The following EIF5B variants were observed in gnomAD, a reference collection of about 807,000 sequenced individuals.
EIF5B encodes eukaryotic translation initiation factor 5B.
EIF5B carries 47 observed loss-of-function variants against 147.5 expected under a neutral mutation model. The ratio of observed to expected loss-of-function variants is 0.32; its 90% CI spans 0.25 to 0.41. The LOEUF (loss-of-function observed/expected upper bound fraction) is 0.41, where lower values mean the gene tolerates loss of function less well. EIF5B is among the 10% of genes least tolerant of loss of function. The pLI is 1.00. For synonymous variants in EIF5B, 455 were observed against 456.2 expected (o/e 1.00, Z 0.03); for missense variants, 1,064 against 1,413.2 (o/e 0.75, Z 3.96).
At position 99,361,830 on chromosome 2, in the gene EIF5B, T is replaced by C. The variant is rs756839974; in HGVS notation, c.919+10T>C. On this transcript the variant is annotated intron_variant, in intron 4 of 23. Transcript: ENST00000289371. ...CCCACAGCTGCAGAAGGTTGGTTAA[T>C]ACTTTAGAGGAAAGAGCAAAAGGCT... 9.9e-6 allele frequency: 15 copies of C among 1,521,022 alleles called. No homozygotes were observed. Among genetic ancestry groups the C allele is most frequent in the South Asian group, 9.6e-5 (7 of 73,286 alleles). The allele number at this position is 1,521,022 out of a possible 1,614,324, so 94.2% of individuals were successfully genotyped here.
At chr2:99,337,712 T>A in intron 1 of EIF5B, 123 bp downstream of exon 1, 2 of 1,289,872 alleles carry the variant, frequency 1.6e-6, no homozygotes, top group Non-Finnish European at 2.1e-6. Flanking sequence ...GTACCAGGCC[T>A]GGGCCCAGAG....
At chr2:99,383,975 C>T (rs1452136489) in intron 14 of EIF5B, among the ~76,000 whole-genome samples, 4 of 151,858 alleles carry the variant, frequency 2.6e-5, no homozygotes, top group African/African-American at 7.3e-5. Flanking sequence ...TTTGGGAGGC[C>T]GAGGCGGGCG....
At chr2:99,352,128 T>C (rs6712137) in intron 1 of EIF5B, among the ~76,000 whole-genome samples, 126,808 of 152,226 alleles carry the variant, frequency 0.83, 53,374 homozygotes, top group Middle Eastern at 0.98. Flanking sequence ...GTTGTTTCTT[T>C]GTAGGCAAAT....
intron 11 of EIF5B, 69 bp from the exon 12 acceptor site, chr2:99,379,249 T>G: frequency 6.8e-7 from 1 of 1,469,474 alleles, no homozygotes; most frequent in South Asian, 1.2e-5. Context: ...AAGTTGCTAA[T>G]TTCTTATTAT....
At chr2:99,386,596 C>G (rs1674814150) in intron 14 of EIF5B, among the ~76,000 whole-genome samples, 1 of 149,036 alleles carries the variant, frequency 6.7e-6, no homozygotes. Context: ...GTGGCGCACT[C>G]TTGGTTAACT....
At chr2:99,348,233 A>G (rs2094277376) in intron 1 of EIF5B, among the ~76,000 whole-genome samples, 1 of 152,230 alleles carries the variant, frequency 6.6e-6, no homozygotes, top group Admixed American at 6.5e-5. Flanking sequence ...GTATGGTTTC[A>G]TATCCCTTTT....
In EIF5B at chr2:99,401,227, C is replaced by A; in HGVS notation, c.*1813C>A. ...GGCACAGCTATCAGAGAGCATCAGG[C>A]TCTCTGGTAATATTTATGTAACTTT... On this transcript the variant is annotated 3_prime_UTR_variant, in exon 24 of 24. Transcript: ENST00000289371. 6.6e-7 allele frequency: 1 copy of A among 1,515,308 alleles called. No individual in the cohort carries two copies. The allele number at this position is 1,515,308 out of a possible 1,614,324, so 93.9% of individuals were successfully genotyped here. A position where few individuals can be genotyped will look rare whatever the true frequency, so the allele number is the denominator to read the frequency against.
Position 99,400,806 on chromosome 2 carries a change from T to C in EIF5B, c.*1392T>C, listed in dbSNP as rs1045820473. The C allele has an allele frequency of 6.5e-6, 1 of 153,622 alleles. No individual in the cohort carries two copies. Among genetic ancestry groups the C allele is most frequent in the Middle Eastern group, 3.4e-3 (1 of 294 alleles). 9.5% of individuals were successfully genotyped at this position (153,622 alleles called of 1,614,324 possible). A position where few individuals can be genotyped will look rare whatever the true frequency, so the allele number is the denominator to read the frequency against. ...AAGCTTTACCCTTTCTTGGAACAAG[T>C]AGAATCCCGGTCTGAGACCTCTCAG... On this transcript the variant is annotated 3_prime_UTR_variant, in exon 24 of 24. Coordinates refer to ENST00000289371, the MANE Select transcript of EIF5B (RefSeq NM_015904.4).
At chr2:99,380,743 CTA>C (rs1029526105) in intron 12 of EIF5B, among the ~76,000 whole-genome samples, 3 of 152,200 alleles carry the variant, frequency 2.0e-5, no homozygotes, top group African/African-American at 7.2e-5. Context: ...TAAAAAGAGT[CTA>C]TGAGTTTGTC....
intron 6 of EIF5B, among the ~76,000 whole-genome samples, chr2:99,365,864 A>G (rs1431161358): frequency 6.6e-6 from 1 of 152,098 alleles, no homozygotes; most frequent in Non-Finnish European, 1.5e-5. Flanking sequence ...CAGCCCACTC[A>G]TGTGAGTCAT....
At chr2:99,387,515 A>G (rs564115112) in intron 14 of EIF5B, among the ~76,000 whole-genome samples, 2 of 152,296 alleles carry the variant, frequency 1.3e-5, no homozygotes, top group East Asian at 1.9e-4. Context: ...CCATTGCTCT[A>G]TATACATTCC....
intron 6 of EIF5B, among the ~76,000 whole-genome samples, chr2:99,368,262 T>C (rs1050084425): frequency 6.6e-5 from 10 of 152,226 alleles, no homozygotes; most frequent in African/African-American, 2.2e-4. Context: ...TGCATCTTCA[T>C]TGTGATGGTG....
At chr2:99,343,830 A>C (rs377505779) in intron 1 of EIF5B, among the ~76,000 whole-genome samples, 8 of 151,958 alleles carry the variant, frequency 5.3e-5, no homozygotes, top group Admixed American at 3.3e-4. Context: ...TAAAAAAAAA[A>C]CAAAACTTTT....
chr2:99,399,625 A>G lies in EIF5B; in HGVS notation c.*211A>G, dbSNP rs1675157263. ...TCAGTTACATGTCCCCACAGTTCCA[A>G]TGTGCCTGTTCACTCACCTCTCCCT... On this transcript the variant is annotated 3_prime_UTR_variant, in exon 24 of 24. Coordinates refer to ENST00000289371, the MANE Select transcript of EIF5B (RefSeq NM_015904.4). 4.0e-6 allele frequency: 2 copies of G among 501,558 alleles called. No individual in the cohort carries two copies. The highest frequency in any genetic ancestry group is 3.2e-5 in the Admixed American group (1 of 31,236). 31.1% of individuals were successfully genotyped at this position (501,558 alleles called of 1,614,324 possible).
chr2:99,379,707 T>TA (rs1444269919), intron 12 of EIF5B, among the ~76,000 whole-genome samples: 1 of 152,208 alleles, frequency 6.6e-6, no homozygotes, highest in Non-Finnish European at 1.5e-5. Flanking sequence ...TTAACACTGA[T>TA]ACCATTTATC....
chr2:99,377,225 C>T (rs1333901057), intron 10 of EIF5B, among the ~76,000 whole-genome samples: 4 of 151,902 alleles, frequency 2.6e-5, no homozygotes, highest in East Asian at 1.9e-4. Flanking sequence ...ACTATTTTAG[C>T]TTTCCTTTTT....
rs752020478 is a variant in EIF5B, at chr2:99,399,819, G to T, written c.*405G>T. The T allele has an allele frequency of 6.4e-6, 1 of 156,894 alleles. No individual in the cohort carries two copies. Among genetic ancestry groups the T allele is most frequent in the Admixed American group, 6.3e-5 (1 of 15,966 alleles). The allele number at this position is 156,894 out of a possible 1,614,324, so 9.7% of individuals were successfully genotyped here. A position where few individuals can be genotyped will look rare whatever the true frequency, so the allele number is the denominator to read the frequency against. ...TTGTGATTCTTGGGACTTTTTTGAC[G>T]TAAGAAATACTTCTTTATTTATGCA... On this transcript the variant is annotated 3_prime_UTR_variant, in exon 24 of 24. Transcript: ENST00000289371.
In EIF5B at chr2:99,400,091, T is replaced by C. The variant is rs1460864146; in HGVS notation, c.*677T>C. On this transcript the variant is annotated 3_prime_UTR_variant, in exon 24 of 24. Transcript: ENST00000289371. ...GTAAGCAAGCTCTGTTAGGCTTCCA[T>C]GTTAGTGTAGCTTCTCTCCCACAAG... 2 of 152,256 alleles carry C rather than the reference T, an allele frequency of 1.3e-5. No individual in the cohort carries two copies. Among genetic ancestry groups the C allele is most frequent in the Admixed American group, 1.3e-4 (2 of 15,282 alleles). The allele number at this position is 152,256 out of a possible 1,614,324, so 9.4% of individuals were successfully genotyped here.
intron 1 of EIF5B, among the ~76,000 whole-genome samples, chr2:99,357,480 G>A (rs1203943142): frequency 6.6e-6 from 1 of 152,170 alleles, no homozygotes; most frequent in South Asian, 2.1e-4. Flanking sequence ...TCAGCACAAT[G>A]CCTGAATATA....
Sources: gnomAD v4.1 joint callset for allele counts (sites outside exome capture counted in the v4.1 genomes callset) on GRCh38, gnomAD v4.1.1 for gene constraint, MANE v1.5 for transcripts, NCBI Gene and HGNC (gene_info 2026-07-23, HGNC 2026-07-21) for gene names.